Variants in ERBIN observed in about 807,000 individuals in gnomAD.
ERBIN encodes erbb2 interacting protein, also known as densin-180-like protein.
In ERBIN, 60 loss-of-function variants were observed where a neutral mutation model predicts 158.4. The ratio of observed to expected loss-of-function variants is 0.38; its 90% CI spans 0.31 to 0.47. The LOEUF (loss-of-function observed/expected upper bound fraction) is 0.47, where lower values mean the gene tolerates loss of function less well. ERBIN is among the 20% of genes least tolerant of loss of function. ERBIN has a pLI of 0.99. For missense variants in ERBIN, 1,610 were observed against 1,648.0 expected (o/e 0.98, Z 0.40); for synonymous variants, 594 against 557.2 (o/e 1.07, Z -0.93).
intron 1 of ERBIN, among the ~76,000 whole-genome samples, chr5:65,932,930 A>G (rs1449444014): frequency 6.6e-6 from 1 of 152,038 alleles, no homozygotes; most frequent in Non-Finnish European, 1.5e-5. Context: ...AGCCGAGACT[A>G]TAGGCATGCA....
intron 21 of ERBIN, among the ~76,000 whole-genome samples, chr5:66,062,057 G>A (rs1197083193): frequency 2.6e-5 from 4 of 152,004 alleles, no homozygotes; most frequent in Middle Eastern, 3.4e-3. Context: ...TCTTTGTGGC[G>A]TTCTCTGTAT....
At chr5:66,027,892 A>T (rs535482753) in intron 13 of ERBIN, among the ~76,000 whole-genome samples, 1 of 152,178 alleles carries the variant, frequency 6.6e-6, no homozygotes, top group South Asian at 2.1e-4. Flanking sequence ...TATCACTAAG[A>T]GTGTTTCCTA....
intron 18 of ERBIN, among the ~76,000 whole-genome samples, chr5:66,046,749 TATAG>T (rs1758490854): frequency 2.0e-5 from 3 of 152,198 alleles, no homozygotes; most frequent in African/African-American, 7.2e-5. Flanking sequence ...CGAATTAGAT[TATAG>T]ATAGTCTAGG....
At position 65,939,599 on chromosome 5, in the gene ERBIN, C is replaced by G. The variant is rs556959487; in HGVS notation, c.-58+12793C>G. Among the ~76,000 whole-genome samples, 36 of 152,252 alleles carry G rather than the reference C, an allele frequency of 2.4e-4. No individual in the cohort carries two copies. In the South Asian group the frequency reaches 5.2e-3, roughly 22 times the overall value. On this transcript the variant is annotated intron_variant, in intron 1 of 25. Coordinates refer to ENST00000284037, the MANE Select transcript of ERBIN (RefSeq NM_001253697.2). ...CCACGGTCTCCCACTGATGCCGAGC[C>G]GAAGCTGGACTGTACTGCTGCCATC...
At chr5:66,076,975 TTC>T in intron 25 of ERBIN, 26 bp downstream of exon 25, 1 of 1,486,180 alleles carries the variant, frequency 6.7e-7, no homozygotes, top group African/African-American at 1.4e-5. Flanking sequence ...CTTTTTTTTT[TTC>T]ATTTTATAAC....
intron 3 of ERBIN, 55 bp from the exon 4 acceptor site, chr5:65,994,692 A>G: frequency 1.0e-6 from 1 of 982,900 alleles, no homozygotes; most frequent in South Asian, 1.5e-5. Flanking sequence ...AAGTTAGTTC[A>G]TGAAATATTT....
chr5:66,046,513 T>C lies in ERBIN; in HGVS notation c.1763T>C (p.Ile588Thr). The C allele has an allele frequency of 6.3e-7, 1 of 1,592,320 alleles. No homozygotes were observed. The highest frequency in any genetic ancestry group is 2.2e-5 in the East Asian group (1 of 44,702). Residue 588 changes from isoleucine to threonine, a missense_variant, in exon 18 of 26, where the codon ATT (isoleucine) becomes ACT (threonine). This residue lies in a region of ERBIN where 596 missense variants were observed against 711.9 expected (regional missense o/e 0.84). Transcript: ENST00000284037. ...AAAGCCTCTGAGAACTTGAAGCATA[T>C]TGTTAACCATGATGATGTTTTTGAG... is the stretch of plus-strand genomic sequence containing the variant. ...NMKASENLKH[I>T]VNHDDVFEES...
At chr5:65,945,408 G>A (rs1457115857) in intron 1 of ERBIN, among the ~76,000 whole-genome samples, 1 of 152,144 alleles carries the variant, frequency 6.6e-6, no homozygotes, top group Non-Finnish European at 1.5e-5. Context: ...TCACATGCCT[G>A]TAATCTGCTT....
intron 1 of ERBIN, among the ~76,000 whole-genome samples, chr5:65,966,571 T>A (rs1324277474): frequency 6.7e-6 from 1 of 148,918 alleles, no homozygotes; most frequent in Non-Finnish European, 1.5e-5. Flanking sequence ...TCCCAGCTAT[T>A]GGGAAGGCTG....
chr5:66,027,507 A>C (rs905465533), intron 13 of ERBIN, among the ~76,000 whole-genome samples: 3 of 152,062 alleles, frequency 2.0e-5, no homozygotes, highest in Non-Finnish European at 4.4e-5. Context: ...AAACAACTTC[A>C]GATCAGAAAT....
chr5:66,043,244 T>TA (rs762974270), intron 16 of ERBIN, 46 bp downstream of exon 16: 1 of 1,591,602 alleles, frequency 6.3e-7, no homozygotes, highest in African/African-American at 1.4e-5. Context: ...AGTCTGCTGA[T>TA]ATTTAAGTTG....
intron 1 of ERBIN, among the ~76,000 whole-genome samples, chr5:65,974,482 G>C (rs2150994781): frequency 6.6e-6 from 1 of 152,338 alleles, no homozygotes; most frequent in African/African-American, 2.4e-5. Flanking sequence ...AATTTTCAGA[G>C]ACCATCTATA....
At chr5:65,994,903 A>T (rs748389016) in intron 4 of ERBIN, 39 bp downstream of exon 4, 1 of 1,197,756 alleles carries the variant, frequency 8.3e-7, no homozygotes, top group Non-Finnish European at 1.2e-6. Context: ...GTACTTGGGA[A>T]CATGTTTCAT....
intron 1 of ERBIN, among the ~76,000 whole-genome samples, chr5:65,957,332 G>A (rs1747278861): frequency 6.6e-6 from 1 of 152,058 alleles, no homozygotes; most frequent in African/African-American, 2.4e-5. Context: ...AGTGAACAAA[G>A]GTCTCTGGTT....
Position 66,075,019 on chromosome 5 carries a change from C to T in ERBIN, c.3757-5C>T. 1 of 1,613,544 alleles carries T rather than the reference C, an allele frequency of 6.2e-7. No homozygotes were observed. The highest frequency in any genetic ancestry group is 8.5e-7 in the Non-Finnish European group (1 of 1,179,634). On this transcript the variant is annotated splice_polypyrimidine_tract_variant and splice_region_variant and intron_variant, in intron 22 of 25. Transcript: ENST00000284037. Reference sequence around the variant, plus strand: ...TCATTTTAAGATACTTCATGTTTTTCTTAGATGCCTTTGAGTAATGGACAG... The same window carrying T: ...TCATTTTAAGATACTTCATGTTTTTTTTAGATGCCTTTGAGTAATGGACAG...
chr5:66,061,876 C>T (rs1245585512), intron 21 of ERBIN, among the ~76,000 whole-genome samples: 2 of 152,224 alleles, frequency 1.3e-5, no homozygotes, highest in Non-Finnish European at 2.9e-5. Flanking sequence ...TTGGCCCCCA[C>T]TCTCTTCTGG....
At chr5:66,055,039 A>G (rs1462221055) in intron 21 of ERBIN, 88 bp downstream of exon 21, 20 of 1,440,898 alleles carry the variant, frequency 1.4e-5, no homozygotes, top group Non-Finnish European at 1.8e-5. Flanking sequence ...TGAATTACTG[A>G]TTATCTCTTT....
intron 1 of ERBIN, among the ~76,000 whole-genome samples, chr5:65,941,891 C>A (rs1482473375): frequency 6.6e-6 from 1 of 152,092 alleles, no homozygotes; most frequent in Non-Finnish European, 1.5e-5. Context: ...CAGGTACCCG[C>A]CGCCACGCCT....
intron 25 of ERBIN, 43 bp from the exon 26 acceptor site, chr5:66,078,380 T>C: frequency 8.2e-7 from 1 of 1,224,192 alleles, no homozygotes; most frequent in Non-Finnish European, 1.2e-6. Context: ...TGCAAATAAA[T>C]AACTATAAAA....
Sources: allele counts gnomAD v4.1 joint callset (sites outside exome capture counted in the v4.1 genomes callset), GRCh38; gene constraint gnomAD v4.1.1; regional missense constraint gnomAD v4.1.1; transcripts MANE v1.5; gene names NCBI Gene and HGNC (gene_info 2026-07-23, HGNC 2026-07-21).